The following CPA6 variants were observed in gnomAD, a reference collection of about 807,000 sequenced individuals.
The protein encoded by CPA6 is carboxypeptidase A6, also known as carboxypeptidase B.
Under a neutral mutation model 63.3 loss-of-function variants are expected in CPA6, and 58 were observed. That is an observed-to-expected ratio of 0.92 (90% CI 0.74 to 1.14). The LOEUF (loss-of-function observed/expected upper bound fraction) is 1.14, where lower values mean the gene tolerates loss of function less well. Among genes scored for constraint, CPA6 ranks in the 50% most tolerant of loss-of-function variants. CPA6 has a pLI of 0.00. For missense variants in CPA6, 565 were observed against 526.6 expected (o/e 1.07, Z -0.71); for synonymous variants, 185 against 179.0 (o/e 1.03, Z -0.27).
intron 1 of CPA6, among the ~76,000 whole-genome samples, chr8:67,708,279 C>G (rs80320293): frequency 1.4e-4 from 22 of 152,128 alleles, no homozygotes; most frequent in Non-Finnish European, 2.9e-4. Context: ...GTTCATAAGG[C>G]TAAAGTTTAT....
intron 2 of CPA6, among the ~76,000 whole-genome samples, chr8:67,549,012 T>A (rs1331577267): frequency 2.6e-5 from 4 of 152,222 alleles, no homozygotes; most frequent in Non-Finnish European, 5.9e-5. Flanking sequence ...AAATTTAATT[T>A]AAAAAATTGC....
intron 1 of CPA6, among the ~76,000 whole-genome samples, chr8:67,655,150 G>T (rs972499912): frequency 2.0e-5 from 3 of 152,092 alleles, no homozygotes; most frequent in African/African-American, 7.2e-5. Context: ...GGGTTTCTTT[G>T]TTATAACAGG....
rs1195458195 is a variant in CPA6 at position 67,595,070 on chromosome 8, C to G, written c.192+29106G>C. 3.3e-5 allele frequency among the ~76,000 whole-genome samples: 5 copies of G among 152,014 alleles called. No homozygotes were observed. In the East Asian group the frequency reaches 7.7e-4, roughly 23 times the overall value. ...CAGATGGGTTTTTGGTGTGGATGTC[C>G]TTTCTGTTTGTTAGTTTTCCTTCTA... On this transcript the variant is annotated intron_variant, in intron 2 of 10. Transcript: ENST00000297770.
chr8:67,515,840 C>T (rs1040692666), intron 3 of CPA6, among the ~76,000 whole-genome samples: 9 of 152,180 alleles, frequency 5.9e-5, no homozygotes, highest in Non-Finnish European at 8.8e-5. Flanking sequence ...ATTCTACCCC[C>T]GGACTCTGAG....
intron 1 of CPA6, among the ~76,000 whole-genome samples, chr8:67,646,549 GAA>G (rs895096861): frequency 1.3e-4 from 20 of 152,090 alleles, no homozygotes; most frequent in Admixed American, 3.3e-4. Flanking sequence ...TCTTGGGAGA[GAA>G]AAAAGACATC....
intron 2 of CPA6, among the ~76,000 whole-genome samples, chr8:67,577,811 C>A (rs1046779379): frequency 3.9e-5 from 6 of 152,022 alleles, no homozygotes; most frequent in African/African-American, 1.2e-4. Context: ...TGTTTGCAGC[C>A]CAGGGGCTGT....
intron 8 of CPA6, among the ~76,000 whole-genome samples, chr8:67,435,167 G>A (rs938587803): frequency 4.1e-4 from 62 of 152,316 alleles, no homozygotes; most frequent in African/African-American, 1.3e-3. Flanking sequence ...GAGCACAGTG[G>A]GCCATGGAAG....
At chr8:67,436,074 C>T (rs1402375084) in intron 8 of CPA6, among the ~76,000 whole-genome samples, 1 of 151,896 alleles carries the variant, frequency 6.6e-6, no homozygotes, top group Non-Finnish European at 1.5e-5. Flanking sequence ...CTCCTGCACC[C>T]CACCCCCACC....
intron 1 of CPA6, among the ~76,000 whole-genome samples, chr8:67,680,089 A>G (rs1051343639): frequency 2.6e-5 from 4 of 152,114 alleles, no homozygotes; most frequent in South Asian, 4.1e-4. Flanking sequence ...TCTTTATGTC[A>G]CTCTGAACAG....
intron 2 of CPA6, among the ~76,000 whole-genome samples, chr8:67,602,627 T>C (rs1814524757): frequency 6.6e-6 from 1 of 152,190 alleles, no homozygotes; most frequent in Admixed American, 6.5e-5. Context: ...AAGTCCTGCA[T>C]GAAGGCATGA....
chr8:67,556,676 A>G (rs1445176881), intron 2 of CPA6, among the ~76,000 whole-genome samples: 2 of 152,234 alleles, frequency 1.3e-5, no homozygotes, highest in South Asian at 2.1e-4. Flanking sequence ...CCAGGAAAAA[A>G]TGCTATTCTA....
At chr8:67,649,251 A>G (rs564570520) in intron 1 of CPA6, among the ~76,000 whole-genome samples, 84 of 152,332 alleles carry the variant, frequency 5.5e-4, no homozygotes, top group Non-Finnish European at 1.1e-3. Context: ...ATCTGCATGC[A>G]ATGTGAATCT....
chr8:67,595,326 CA>C (rs1429357393), intron 2 of CPA6, among the ~76,000 whole-genome samples: 1 of 152,216 alleles, frequency 6.6e-6, no homozygotes, highest in Admixed American at 6.5e-5. Flanking sequence ...GCTCGGGGGT[CA>C]GGGGTCAGGG....
intron 8 of CPA6, among the ~76,000 whole-genome samples, chr8:67,481,095 A>T (rs1178211101): frequency 6.6e-6 from 1 of 152,206 alleles, no homozygotes; most frequent in Non-Finnish European, 1.5e-5. Context: ...AAATTGTTTT[A>T]TGTTCCATAG....
chr8:67,561,611 C>T (rs556501544), intron 2 of CPA6, among the ~76,000 whole-genome samples: 1 of 152,092 alleles, frequency 6.6e-6, no homozygotes, highest in Non-Finnish European at 1.5e-5. Context: ...ACAACTTAAT[C>T]CTATTGTGTG....
intron 1 of CPA6, among the ~76,000 whole-genome samples, chr8:67,729,403 C>T (rs756574177): frequency 3.3e-5 from 5 of 152,142 alleles, no homozygotes; most frequent in Admixed American, 1.3e-4. Context: ...GATTTAAAAA[C>T]TGTCATATAC....
chr8:67,602,945 T>G (rs1201152958), intron 2 of CPA6, among the ~76,000 whole-genome samples: 1 of 152,116 alleles, frequency 6.6e-6, no homozygotes, highest in African/African-American at 2.4e-5. Context: ...AAGAAGAGTT[T>G]TATAATTCTG....
chr8:67,480,012 A>G (rs1811324086), intron 8 of CPA6, among the ~76,000 whole-genome samples: 1 of 152,102 alleles, frequency 6.6e-6, no homozygotes, highest in Non-Finnish European at 1.5e-5. Context: ...GTGGTCGGAA[A>G]AGGGCATATA....
chr8:67,649,494 G>C (rs1321993660), intron 1 of CPA6, among the ~76,000 whole-genome samples: 2 of 151,894 alleles, frequency 1.3e-5, no homozygotes, highest in Non-Finnish European at 2.9e-5. Flanking sequence ...ATCTCATTTG[G>C]TCCTCTTATG....
Sources: allele counts gnomAD v4.1 joint callset (sites outside exome capture counted in the v4.1 genomes callset), GRCh38; gene constraint gnomAD v4.1.1; transcripts MANE v1.5; gene names NCBI Gene and HGNC (gene_info 2026-07-23, HGNC 2026-07-21).